SORCS1: variants seen among roughly 807,000 people sequenced by gnomAD.
SORCS1 encodes the protein sortilin related VPS10 domain containing receptor 1, also known as VPS10 domain-containing receptor SorCS1.
SORCS1 carries 60 observed loss-of-function variants against 146.1 expected under a neutral mutation model. That is an observed-to-expected ratio of 0.41 (90% CI 0.33 to 0.51). The LOEUF (loss-of-function observed/expected upper bound fraction) is 0.51, where lower values mean the gene tolerates loss of function less well. Among genes scored for constraint, SORCS1 ranks in the 20% least tolerant of loss-of-function variants. The probability of loss-of-function intolerance (pLI) is 0.21; values close to 1 mark genes in which losing one functional copy is unlikely to be tolerated. For synonymous variants in SORCS1, 637 were observed against 584.0 expected, an observed-to-expected ratio of 1.09 and a Z score of -1.31; for missense variants, 1,352 against 1,487.6, an observed-to-expected ratio of 0.91 and a Z score of 1.50.
At chr10:106,735,109 G>A (rs949135089) in intron 5 of SORCS1, among the ~76,000 whole-genome samples, 6 of 142,490 alleles carry the variant, frequency 4.2e-5, no homozygotes, top group Non-Finnish European at 6.0e-5. Flanking sequence ...TCAAGCCAGT[G>A]CACTCCAGGC....
chr10:107,141,774 C>A (rs940526857), intron 1 of SORCS1, among the ~76,000 whole-genome samples: 1 of 152,174 alleles, frequency 6.6e-6, no homozygotes, highest in Non-Finnish European at 1.5e-5. Flanking sequence ...AGGAGCTTCC[C>A]CCAGCACAGT....
At chr10:106,764,563 C>T (rs1301116671) in intron 4 of SORCS1, among the ~76,000 whole-genome samples, 1 of 152,176 alleles carries the variant, frequency 6.6e-6, no homozygotes, top group Admixed American at 6.5e-5. Flanking sequence ...GAACACGGAA[C>T]TGAGAACTAT....
rs140869337 is a variant in SORCS1 at position 106,880,810 on chromosome 10, C to T, written c.627-51137G>A. ...AGGCCATTTCGAAAGCAGAATAAGC[C>T]GGGCACGGTGGCTCACGCCTGTAAT... On this transcript the variant is annotated intron_variant, in intron 2 of 25. Transcript: ENST00000263054. Among the ~76,000 whole-genome samples, 97 of 152,108 alleles carry T rather than the reference C, an allele frequency of 6.4e-4. 1 individual carries two copies. Among genetic ancestry groups the T allele is most frequent in the Middle Eastern group, 6.8e-3 (2 of 294 alleles).
At chr10:107,028,943 C>A (rs1958525033) in intron 1 of SORCS1, among the ~76,000 whole-genome samples, 1 of 152,178 alleles carries the variant, frequency 6.6e-6, no homozygotes, top group Non-Finnish European at 1.5e-5. Flanking sequence ...ACTAGACAAT[C>A]TCTCGGGTCT....
rs1333547114 is a variant in SORCS1, at chr10:106,607,368, T to TGG, written c.3034-73_3034-72dup. The TGG allele has an allele frequency of 4.5e-5, 72 of 1,582,696 alleles. 1 individual carries two copies. The Middle Eastern group carries it at 1.2e-3, about 26-fold the overall frequency. ...AGCTGAGAAGGGACCAAGTATTTGG[T>TGG]GGGGGGATCAGGGGTAGGCAGAAGA... is the stretch of plus-strand genomic sequence containing the variant. On this transcript the variant is annotated intron_variant, in intron 22 of 25. Coordinates refer to ENST00000263054, the MANE Select transcript of SORCS1 (RefSeq NM_052918.5).
At chr10:107,074,897 G>GTATGTCC in intron 1 of SORCS1, among the ~76,000 whole-genome samples, 1 of 151,878 alleles carries the variant, frequency 6.6e-6, no homozygotes. Flanking sequence ...AGAGTTCTTT[G>GTATGTCC]TAAATGTTTT....
Position 106,724,537 on chromosome 10 carries a change from A to T in SORCS1, c.1024+5513T>A, listed in dbSNP as rs574141844. Among the ~76,000 whole-genome samples, 7 of 151,892 alleles carry T rather than the reference A, an allele frequency of 4.6e-5. 1 individual carries two copies. In the East Asian group the frequency reaches 1.2e-3, roughly 25 times the overall value. ...AAACAAAATAAAATAAAATAAAAAT[A>T]AAAAAATAAAAATAAAGATATAATT... On this transcript the variant is annotated intron_variant, in intron 6 of 25. Transcript: ENST00000263054.
chr10:106,779,049 C>T (rs764697183), intron 3 of SORCS1, among the ~76,000 whole-genome samples: 9 of 152,106 alleles, frequency 5.9e-5, no homozygotes, highest in South Asian at 2.1e-4. Context: ...GGCAGAGTAA[C>T]GCACATATTT....
At chr10:106,711,486 T>C (rs2135857140) in intron 6 of SORCS1, among the ~76,000 whole-genome samples, 1 of 152,290 alleles carries the variant, frequency 6.6e-6, no homozygotes, top group African/African-American at 2.4e-5. Context: ...TATGTGTACC[T>C]ACCTGTATTC....
At chr10:106,597,256 T>A in intron 24 of SORCS1, 95 bp downstream of exon 24, 1 of 954,892 alleles carries the variant, frequency 1.0e-6, no homozygotes, top group South Asian at 1.4e-5. Flanking sequence ...CTGATTAGCA[T>A]TGTTACCATC....
chr10:106,940,712 T>C (rs909748541), intron 2 of SORCS1, among the ~76,000 whole-genome samples: 1 of 152,118 alleles, frequency 6.6e-6, no homozygotes, highest in Non-Finnish European at 1.5e-5. Context: ...GGTGAAACCC[T>C]ATCTCAACTA....
At chr10:107,075,447 T>C (rs1328566485) in intron 1 of SORCS1, among the ~76,000 whole-genome samples, 1 of 152,110 alleles carries the variant, frequency 6.6e-6, no homozygotes, top group Admixed American at 6.5e-5. Flanking sequence ...AACACTTTCA[T>C]TGGAATAAAT....
At chr10:106,937,301 C>A (rs1953779563) in intron 2 of SORCS1, among the ~76,000 whole-genome samples, 1 of 151,506 alleles carries the variant, frequency 6.6e-6, no homozygotes, top group African/African-American at 2.4e-5. Context: ...TCCTGAGTAG[C>A]TGGGATTTAC....
At chr10:107,050,947 G>A (rs186571122) in intron 1 of SORCS1, among the ~76,000 whole-genome samples, 191 of 151,980 alleles carry the variant, frequency 1.3e-3, no homozygotes, top group African/African-American at 4.4e-3. Flanking sequence ...TCATTAAATC[G>A]TTTAATATAT....
At chr10:107,090,919 T>TACACAC (rs10569833) in intron 1 of SORCS1, among the ~76,000 whole-genome samples, 18 of 149,600 alleles carry the variant, frequency 1.2e-4, no homozygotes, top group African/African-American at 2.9e-4. Flanking sequence ...TATTCTAAAG[T>TACACAC]ACACACACAC....
chr10:107,159,341 G>T (rs1044816327), intron 1 of SORCS1, among the ~76,000 whole-genome samples: 1 of 152,110 alleles, frequency 6.6e-6, no homozygotes, highest in Non-Finnish European at 1.5e-5. Flanking sequence ...AATTAGTTTT[G>T]ACCTGTAATG....
intron 22 of SORCS1, among the ~76,000 whole-genome samples, chr10:106,611,537 G>C (rs1452261136): frequency 2.0e-5 from 3 of 152,214 alleles, no homozygotes; most frequent in Non-Finnish European, 4.4e-5. Context: ...CTTACATGCT[G>C]AGTTCCTTCA....
intron 1 of SORCS1, among the ~76,000 whole-genome samples, chr10:107,014,053 G>T (rs1957790230): frequency 6.6e-6 from 1 of 152,084 alleles, no homozygotes; most frequent in Non-Finnish European, 1.5e-5. Context: ...AAGAGATCGA[G>T]ATCATCCTGG....
chr10:106,764,349 G>A (rs141762384), intron 4 of SORCS1, among the ~76,000 whole-genome samples: 1 of 152,288 alleles, frequency 6.6e-6, no homozygotes, highest in East Asian at 1.9e-4. Context: ...TAAACCTACA[G>A]AGTCTGGAAG....
Sources: gnomAD v4.1 joint callset for allele counts (sites outside exome capture counted in the v4.1 genomes callset) on GRCh38, gnomAD v4.1.1 for gene constraint, MANE v1.5 for transcripts, NCBI Gene and HGNC (gene_info 2026-07-23, HGNC 2026-07-21) for gene names.